Variants in PCDHA4 observed in about 807,000 individuals in gnomAD.
PCDHA4 encodes protocadherin alpha 4.
In PCDHA4, 49 loss-of-function variants were observed where a neutral mutation model predicts 61.4. The observed-to-expected ratio is 0.80, with a 90% CI of 0.63 to 1.01. The LOEUF (loss-of-function observed/expected upper bound fraction) is 1.01. Ranked by LOEUF, PCDHA4 falls within the 50% of genes least tolerant of loss-of-function variation. The pLI is 0.00. For synonymous variants in PCDHA4, 590 were observed against 550.3 expected (o/e 1.07, Z -1.01); for missense variants, 1,254 against 1,235.8 (o/e 1.01, Z -0.22).
intron 1 of PCDHA4, chr5:140,850,598 C>T (rs1358773904): frequency 1.9e-6 from 3 of 1,598,576 alleles, no homozygotes; most frequent in Middle Eastern, 1.7e-4. Context: ...TGTACCTGAT[C>T]ATCGCCATCT....
In PCDHA4 at chr5:141,010,994, G is replaced by A. The variant is rs1338532762; in HGVS notation, c.*1057G>A. ...TTTAAGAGAATTGCCTGAAACATCTGTATTATATCGGCCACCTGCCAATCA... is the reference window on the plus strand; with the variant it reads ...TTTAAGAGAATTGCCTGAAACATCTATATTATATCGGCCACCTGCCAATCA... On this transcript the variant is annotated 3_prime_UTR_variant, in exon 4 of 4. Transcript: ENST00000530339. The A allele has an allele frequency of 6.5e-6, 1 of 153,710 alleles. No homozygotes were observed. The highest frequency in any genetic ancestry group is 1.5e-5 in the Non-Finnish European group (1 of 68,046). The allele number at this position is 153,710 out of a possible 1,614,324, so 9.5% of individuals were successfully genotyped here.
rs1455444799 is a variant in PCDHA4, at chr5:140,876,953, T to C, written c.2385+67381T>C. On this transcript the variant is annotated intron_variant, in intron 1 of 3. Coordinates refer to ENST00000530339, the MANE Select transcript of PCDHA4 (RefSeq NM_018907.4). ...AAGAACGCGCTGGTGTCCTACTCGCTGGTGGAGCGGCGGGTGGGCGAGCAC... is the reference window on the plus strand; with the variant it reads ...AAGAACGCGCTGGTGTCCTACTCGCCGGTGGAGCGGCGGGTGGGCGAGCAC... The C allele has an allele frequency of 1.1e-5, 17 of 1,613,306 alleles. No homozygotes were observed. Among genetic ancestry groups the C allele is most frequent in the Non-Finnish European group, 1.4e-5 (17 of 1,179,866 alleles).
chr5:140,969,418 TTAACAG>T (rs782375088), intron 1 of PCDHA4: 40 of 1,564,272 alleles, frequency 2.6e-5, no homozygotes, highest in Non-Finnish European at 3.4e-5. Context: ...TATTGAGTCA[TTAACAG>T]TGACAAGAGT....
Position 140,857,494 on chromosome 5 carries a change from C to A in PCDHA4, c.2385+47922C>A, listed in dbSNP as rs189056024. Reference sequence around the variant, plus strand: ...TCACGGTGTCTGCGTGGGACGCGGACGCGCAGGAGAACGCCCTGGTGTCCT... The same window carrying A: ...TCACGGTGTCTGCGTGGGACGCGGAAGCGCAGGAGAACGCCCTGGTGTCCT... On this transcript the variant is annotated intron_variant, in intron 1 of 3. Coordinates refer to ENST00000530339, the MANE Select transcript of PCDHA4 (RefSeq NM_018907.4). 3.8e-5 allele frequency: 60 copies of A among 1,598,330 alleles called. 2 individuals are homozygous for A. In the East Asian group the frequency reaches 1.2e-3, roughly 32 times the overall value.
intron 1 of PCDHA4, among the ~76,000 whole-genome samples, chr5:140,911,285 G>C (rs1292114305): frequency 6.6e-6 from 1 of 152,078 alleles, no homozygotes; most frequent in Non-Finnish European, 1.5e-5. Flanking sequence ...GCTTCATCAG[G>C]GTCCTTTTAC....
chr5:140,897,695 C>T (rs1417139429), intron 1 of PCDHA4, among the ~76,000 whole-genome samples: 12 of 152,090 alleles, frequency 7.9e-5, no homozygotes, highest in South Asian at 4.2e-4. Flanking sequence ...GTCCTTTGGG[C>T]ATATACCCAG....
At chr5:140,932,707 A>G (rs147056775) in intron 1 of PCDHA4, among the ~76,000 whole-genome samples, 1 of 152,086 alleles carries the variant, frequency 6.6e-6, no homozygotes, top group African/African-American at 2.4e-5. Flanking sequence ...CATATAGACA[A>G]CACAATAATA....
chr5:140,820,585 G>GT (rs1302579717), intron 1 of PCDHA4, among the ~76,000 whole-genome samples: 1 of 151,962 alleles, frequency 6.6e-6, no homozygotes, highest in African/African-American at 2.4e-5. Flanking sequence ...ATTAAGTGAA[G>GT]TTTACTAAAT....
Position 140,835,739 on chromosome 5 carries a change from C to G in PCDHA4, c.2385+26167C>G, listed in dbSNP as rs185499663. On this transcript the variant is annotated intron_variant, in intron 1 of 3. Transcript: ENST00000530339. ...AGGTGGCCGACGTGAACGACAACGC[C>G]CCGGCGTTCGCGCAGCCCGAGTATA... The G allele has an allele frequency of 4.3e-6, 7 of 1,613,474 alleles. No individual in the cohort carries two copies. In the African/African-American group the frequency reaches 5.3e-5, roughly 12 times the overall value.
At chr5:140,907,872 G>A (rs1473403839) in intron 1 of PCDHA4, among the ~76,000 whole-genome samples, 1 of 152,208 alleles carries the variant, frequency 6.6e-6, no homozygotes, top group Non-Finnish European at 1.5e-5. Flanking sequence ...CCGTTGGTGA[G>A]CACTCACATG....
chr5:140,888,647 T>C (rs781796685), intron 1 of PCDHA4, among the ~76,000 whole-genome samples: 2 of 152,244 alleles, frequency 1.3e-5, no homozygotes, highest in African/African-American at 2.4e-5. Context: ...AATACTTTCC[T>C]GAGGACACCA....
At chr5:140,850,674 C>T in intron 1 of PCDHA4, 1 of 1,598,338 alleles carries the variant, frequency 6.3e-7, no homozygotes, top group Non-Finnish European at 8.6e-7. Context: ...CTCGGCGATG[C>T]CCACCGAGGG....
At chr5:140,962,770 G>A (rs1387109570) in intron 1 of PCDHA4, among the ~76,000 whole-genome samples, 1 of 152,164 alleles carries the variant, frequency 6.6e-6, no homozygotes, top group Admixed American at 6.5e-5. Flanking sequence ...TTTTTAACAA[G>A]ATGGAATTTT....
At chr5:140,837,840 G>C (rs1775283148) in intron 1 of PCDHA4, among the ~76,000 whole-genome samples, 1 of 151,336 alleles carries the variant, frequency 6.6e-6, no homozygotes, top group African/African-American at 2.4e-5. Context: ...ATTGTGCCTG[G>C]CTAATTTTAT....
chr5:140,975,579 A>G (rs1464978366), intron 1 of PCDHA4, among the ~76,000 whole-genome samples: 3 of 152,244 alleles, frequency 2.0e-5, no homozygotes, highest in Non-Finnish European at 4.4e-5. Context: ...ATGCAGTCTC[A>G]TGTCCCAGAG....
At chr5:140,834,478 A>T in intron 1 of PCDHA4, 1 of 1,614,162 alleles carries the variant, frequency 6.2e-7, no homozygotes. Context: ...GGCCAGCTCC[A>T]CTACTCGGTC....
chr5:140,927,482 C>G, intron 1 of PCDHA4: 1 of 1,614,086 alleles, frequency 6.2e-7, no homozygotes, highest in Non-Finnish European at 8.5e-7. Flanking sequence ...GAACAGCGCG[C>G]CACCCACCTG....
chr5:140,889,120 T>G (rs1335268200), intron 1 of PCDHA4, among the ~76,000 whole-genome samples: 1 of 151,966 alleles, frequency 6.6e-6, no homozygotes, highest in Non-Finnish European at 1.5e-5. Context: ...CAGGTGATAC[T>G]GATATGTCCT....
chr5:141,005,451 C>G (rs1263058026), intron 3 of PCDHA4, among the ~76,000 whole-genome samples: 1 of 151,986 alleles, frequency 6.6e-6, no homozygotes, highest in Non-Finnish European at 1.5e-5. Flanking sequence ...CGCCTGTAAT[C>G]CCAGCACTTT....
Sources: gnomAD v4.1 joint callset for allele counts (sites outside exome capture counted in the v4.1 genomes callset) on GRCh38, gnomAD v4.1.1 for gene constraint, MANE v1.5 for transcripts, NCBI Gene and HGNC (gene_info 2026-07-23, HGNC 2026-07-21) for gene names.